The following DGKH variants were observed in gnomAD, a reference collection of about 807,000 sequenced individuals.
DGKH encodes the protein diacylglycerol kinase eta.
In DGKH, 90 loss-of-function variants were observed where a neutral mutation model predicts 159.3. The ratio of observed to expected loss-of-function variants is 0.57; its 90% CI spans 0.48 to 0.67. The LOEUF (loss-of-function observed/expected upper bound fraction) is 0.67. DGKH is among the 30% of genes least tolerant of loss of function. The pLI is 0.00. For missense variants in DGKH, 1,181 were observed against 1,506.1 expected, an observed-to-expected ratio of 0.78 and a Z score of 3.57; for synonymous variants, 536 against 553.8, an observed-to-expected ratio of 0.97 and a Z score of 0.45.
chr13:42,221,224 C>T (rs1471431294), intron 28 of DGKH, 40 bp from the exon 29 acceptor site: 1 of 1,609,694 alleles, frequency 6.2e-7, no homozygotes, highest in Non-Finnish European at 8.5e-7. Context: ...ATGCATTGAG[C>T]ATGTAGAAAT....
chr13:42,062,088 C>T (rs1882223374), intron 1 of DGKH, among the ~76,000 whole-genome samples: 1 of 151,754 alleles, frequency 6.6e-6, no homozygotes, highest in African/African-American at 2.4e-5. Context: ...AGTGAAGTGA[C>T]AGAAGCTATG....
chr13:42,179,369 C>G (rs950178891), intron 13 of DGKH, among the ~76,000 whole-genome samples: 1 of 152,214 alleles, frequency 6.6e-6, no homozygotes, highest in Admixed American at 6.5e-5. Flanking sequence ...TAACTGTCAT[C>G]TGTAACTTTA....
intron 1 of DGKH, among the ~76,000 whole-genome samples, chr13:42,049,392 A>G (rs920590445): frequency 3.3e-5 from 5 of 152,244 alleles, no homozygotes; most frequent in South Asian, 4.1e-4. Flanking sequence ...GAGAGTTTCA[A>G]TTTTTCTTCC....
At chr13:42,251,736 C>T (rs1011109408) in intron 29 of DGKH, among the ~76,000 whole-genome samples, 24 of 152,188 alleles carry the variant, frequency 1.6e-4, no homozygotes, top group Admixed American at 4.6e-4. Flanking sequence ...TAAAGTCTCA[C>T]GGGGACCCTC....
At position 42,189,160 on chromosome 13, in the gene DGKH, G is replaced by A. The variant is rs1464609191; in HGVS notation, c.1763G>A (p.Ser588Asn). 1.2e-6 allele frequency: 2 copies of A among 1,614,126 alleles called. No individual in the cohort carries two copies. Among genetic ancestry groups the A allele is most frequent in the East Asian group, 2.2e-5 (1 of 44,898 alleles). The stretch of plus-strand genomic sequence containing the variant: ...GAAGAAGATGCTGTGGAATCGTCCA[G>A]TGAAGAGTCCCTGGGTGAAAGCAAA... ...IVEEDAVESS[S>N]EESLGESKEQ... The change falls in exon 15 of 30, where the codon AGT becomes AAT. Residue 588 changes from serine (S) to asparagine (N), a missense_variant. Ser to Asn is a conservative substitution (Grantham distance 46, BLOSUM62 1). Transcript: ENST00000337343.
chr13:42,054,059 A>G lies in DGKH; in HGVS notation c.192+5094A>G, dbSNP rs188036870. 9.7e-4 allele frequency among the ~76,000 whole-genome samples: 147 copies of G among 152,302 alleles called. 1 individual carries two copies. The highest frequency in any genetic ancestry group is 3.3e-3 in the African/African-American group (136 of 41,566). ...GCAGTATATGAAAGTATTGATTTGC[A>G]TTTTTCACTGCCTTACAAAGTACAA... is the stretch of plus-strand genomic sequence containing the variant. On this transcript the variant is annotated intron_variant, in intron 1 of 29. Coordinates refer to ENST00000337343, the MANE Select transcript of DGKH (RefSeq NM_178009.5).
intron 1 of DGKH, among the ~76,000 whole-genome samples, chr13:42,072,948 C>G (rs1213489090): frequency 6.6e-6 from 1 of 152,140 alleles, no homozygotes; most frequent in Non-Finnish European, 1.5e-5. Context: ...ACCATTTTCT[C>G]TAAATCCATC....
intron 11 of DGKH, 95 bp from the exon 12 acceptor site, chr13:42,173,941 ATGTGTGTGTGTGTGTGTGCGTGCG>A (rs1236904776): frequency 4.6e-5 from 22 of 481,212 alleles, no homozygotes; most frequent in Admixed American, 1.9e-4. Flanking sequence ...TAGTTCATGA[ATGTGTGTGTGTGTGTGTGCGTGCG>A]TGTGTGTGTG....
chr13:42,065,738 G>A (rs1212460424), intron 1 of DGKH, among the ~76,000 whole-genome samples: 1 of 152,078 alleles, frequency 6.6e-6, no homozygotes, highest in African/African-American at 2.4e-5. Context: ...AGGAGGCCGG[G>A]GTCCCATCGG....
intron 13 of DGKH, among the ~76,000 whole-genome samples, chr13:42,179,920 T>A (rs1956707877): frequency 6.6e-6 from 1 of 152,204 alleles, no homozygotes; most frequent in Non-Finnish European, 1.5e-5. Flanking sequence ...TGTAGAAATT[T>A]CTTAACAAGA....
At chr13:42,076,329 A>G (rs1264910938) in intron 1 of DGKH, among the ~76,000 whole-genome samples, 1 of 152,202 alleles carries the variant, frequency 6.6e-6, no homozygotes, top group Admixed American at 6.5e-5. Flanking sequence ...GAGAAATTCC[A>G]TGTATGCTAT....
intron 3 of DGKH, among the ~76,000 whole-genome samples, chr13:42,141,028 C>CCATTAACTCGTCATTTACATTATGTATAT (rs55860412): frequency 1.9e-5 from 1 of 52,094 alleles, no homozygotes; most frequent in Non-Finnish European, 3.9e-5. Context: ...TGTGCTGAAC[C>CCATTAACTCGTCATTTACATTATGTATAT]CTCCTAATGC....
chr13:42,069,313 C>T, intron 1 of DGKH: 1 of 1,172,662 alleles, frequency 8.5e-7, no homozygotes, highest in Non-Finnish European at 1.2e-6. Flanking sequence ...AACTGGCTGT[C>T]CCAAGAAGAT....
chr13:42,191,830 T>TA lies in DGKH; in HGVS notation c.2035+1306dup, dbSNP rs1465556633. On this transcript the variant is annotated intron_variant, in intron 16 of 29. Transcript: ENST00000337343. The stretch of plus-strand genomic sequence containing the variant: ...TAAAAGAAAGGGTAGTTGATAAAGT[T>TA]ACTTTAAATTTAAAAACCTGTTTTT... 5.9e-5 allele frequency among the ~76,000 whole-genome samples: 9 copies of TA among 152,314 alleles called. No homozygotes were observed. The East Asian group carries it at 1.7e-3, about 29-fold the overall frequency.
intron 1 of DGKH, among the ~76,000 whole-genome samples, chr13:42,057,779 G>A (rs974808235): frequency 1.1e-4 from 16 of 152,144 alleles, no homozygotes; most frequent in East Asian, 1.9e-4. Flanking sequence ...TACTTGAAAC[G>A]CATAGTATAT....
At chr13:42,222,736 G>A (rs889806637) in intron 29 of DGKH, among the ~76,000 whole-genome samples, 1 of 152,082 alleles carries the variant, frequency 6.6e-6, no homozygotes, top group Admixed American at 6.6e-5. Context: ...AGCATGCACC[G>A]CATTTGCTGT....
At chr13:42,122,406 A>C (rs1955092272) in intron 1 of DGKH, among the ~76,000 whole-genome samples, 1 of 152,204 alleles carries the variant, frequency 6.6e-6, no homozygotes, top group African/African-American at 2.4e-5. Flanking sequence ...GACTCTCTGC[A>C]GAGTCCCAAG....
chr13:42,156,460 C>T (rs1956049080), intron 5 of DGKH, among the ~76,000 whole-genome samples: 1 of 151,972 alleles, frequency 6.6e-6, no homozygotes, highest in Non-Finnish European at 1.5e-5. Flanking sequence ...AGGCTGGTCT[C>T]AAACTCCTGG....
chr13:42,127,636 C>T, intron 2 of DGKH, 63 bp downstream of exon 2: 4 of 1,360,506 alleles, frequency 2.9e-6, no homozygotes, highest in Non-Finnish European at 4.1e-6. Flanking sequence ...AATTTTGGTT[C>T]TGTAAGCTGT....
Sources: allele counts gnomAD v4.1 joint callset (sites outside exome capture counted in the v4.1 genomes callset), GRCh38; gene constraint gnomAD v4.1.1; transcripts MANE v1.5; gene names NCBI Gene and HGNC (gene_info 2026-07-23, HGNC 2026-07-21).